Variants in RAB27B observed in about 807,000 individuals in gnomAD.
RAB27B encodes ras-related protein Rab-27B.
RAB27B carries 15 observed loss-of-function variants against 24.6 expected under a neutral mutation model. The observed-to-expected ratio is 0.61, with a 90% CI of 0.41 to 0.94. The LOEUF (loss-of-function observed/expected upper bound fraction) is 0.94. Ranked by LOEUF, RAB27B falls within the 40% of genes least tolerant of loss-of-function variation. The probability of loss-of-function intolerance (pLI) is 0.00; values close to 1 mark genes in which losing one functional copy is unlikely to be tolerated. For missense variants in RAB27B, 261 were observed against 266.8 expected (o/e 0.98, Z 0.15); for synonymous variants, 105 against 92.5 (o/e 1.14, Z -0.78).
chr18:54,886,127 C>A lies in RAB27B; in HGVS notation c.343+1691C>A, dbSNP rs138468753. ...AACCATATCACTTCTACACCCACTT[C>A]AAGTTTTACCCAAACCTTATTTGTC... On this transcript the variant is annotated intron_variant, in intron 4 of 5. Coordinates refer to ENST00000262094, the MANE Select transcript of RAB27B (RefSeq NM_004163.4). Among the ~76,000 whole-genome samples, 1,415 of 152,228 alleles carry A rather than the reference C, an allele frequency of 9.3e-3. 10 individuals are homozygous for A. The highest frequency in any genetic ancestry group is 0.014 in the Non-Finnish European group (953 of 68,004).
At chr18:54,883,320 T>C (rs1913002269) in intron 3 of RAB27B, among the ~76,000 whole-genome samples, 1 of 151,998 alleles carries the variant, frequency 6.6e-6, no homozygotes, top group Non-Finnish European at 1.5e-5. Context: ...TCAATGTATA[T>C]AGAGTAAGAG....
At chr18:54,864,551 G>GACTT (rs1156853055) in intron 1 of RAB27B, among the ~76,000 whole-genome samples, 12 of 151,826 alleles carry the variant, frequency 7.9e-5, no homozygotes, top group African/African-American at 2.7e-4. Context: ...GAGTTATGAA[G>GACTT]ACTTACTCTT....
chr18:54,747,457 T>C (rs1196167752), intron 2 of RAB27B, among the ~76,000 whole-genome samples: 2 of 152,202 alleles, frequency 1.3e-5, no homozygotes, highest in Non-Finnish European at 2.9e-5. Flanking sequence ...ACCTGGGTAA[T>C]ACCAATGCCA....
intron 1 of RAB27B, among the ~76,000 whole-genome samples, chr18:54,840,993 A>G (rs1008791534): frequency 6.6e-6 from 1 of 151,964 alleles, no homozygotes; most frequent in African/African-American, 2.4e-5. Flanking sequence ...CCAAAAATAC[A>G]AAAATTAGCC....
intron 1 of RAB27B, among the ~76,000 whole-genome samples, chr18:54,869,754 G>A (rs139102664): frequency 6.6e-6 from 1 of 151,992 alleles, no homozygotes; most frequent in African/African-American, 2.4e-5. Context: ...CCACAAATAG[G>A]TTCAAATATA....
At chr18:54,727,937 T>C (rs914928158) in intron 2 of RAB27B, among the ~76,000 whole-genome samples, 11 of 152,124 alleles carry the variant, frequency 7.2e-5, no homozygotes, top group South Asian at 2.1e-4. Flanking sequence ...ATAATCACAC[T>C]CCACGCTACA....
intron 2 of RAB27B, among the ~76,000 whole-genome samples, chr18:54,776,787 G>T (rs1157610162): frequency 6.6e-6 from 1 of 152,186 alleles, no homozygotes; most frequent in South Asian, 2.1e-4. Context: ...GGCCTGGCAT[G>T]GTCAGGCATG....
At chr18:54,837,476 A>G (rs1018180600) in intron 1 of RAB27B, among the ~76,000 whole-genome samples, 5 of 152,104 alleles carry the variant, frequency 3.3e-5, no homozygotes, top group Non-Finnish European at 7.4e-5. Flanking sequence ...GAAGAACTGC[A>G]TTTGAGGTAC....
In RAB27B at chr18:54,877,584, C is replaced by A; in HGVS notation, c.-2C>A. On this transcript the variant is annotated 5_prime_UTR_variant, in exon 2 of 6. Coordinates refer to ENST00000262094, the MANE Select transcript of RAB27B (RefSeq NM_004163.4). ...CTATACAGACCGACCAAGACCATCA[C>A]TATGACCGATGGAGACTATGATTAT... 1 of 1,542,220 alleles carries A rather than the reference C, an allele frequency of 6.5e-7. No homozygotes were observed. The highest frequency in any genetic ancestry group is 8.7e-7 in the Non-Finnish European group (1 of 1,155,196).
At chr18:54,764,168 G>A (rs939156808) in intron 2 of RAB27B, among the ~76,000 whole-genome samples, 4 of 152,106 alleles carry the variant, frequency 2.6e-5, no homozygotes, top group Non-Finnish European at 1.5e-5. Flanking sequence ...CATTGACCCT[G>A]TGTTTACCAT....
chr18:54,833,095 A>G (rs192210986), intron 1 of RAB27B, among the ~76,000 whole-genome samples: 5 of 152,336 alleles, frequency 3.3e-5, no homozygotes. Flanking sequence ...CATAGTTTGA[A>G]GAAGAGTAAT....
At chr18:54,860,604 A>G (rs1212032172) in intron 1 of RAB27B, among the ~76,000 whole-genome samples, 2 of 152,182 alleles carry the variant, frequency 1.3e-5, no homozygotes, top group Admixed American at 6.5e-5. Context: ...TTACAGCCCT[A>G]GATTTTCTGA....
At position 54,798,252 on chromosome 18, in the gene RAB27B, C is replaced by T. The variant is rs113849833; in HGVS notation, c.-19-79315C>T. ...TGGGACTAAACATAGAGGCAGTCCTCCTCCAAGGCTGAGAAGCCAACAGGA... is the reference window on the plus strand; with the variant it reads ...TGGGACTAAACATAGAGGCAGTCCTTCTCCAAGGCTGAGAAGCCAACAGGA... On this transcript the variant is annotated intron_variant, in intron 2 of 4. Coordinates refer to the RAB27B transcript ENST00000586570. Among the ~76,000 whole-genome samples, 177 of 152,340 alleles carry T rather than the reference C, an allele frequency of 1.2e-3. 1 individual carries two copies. Among genetic ancestry groups the T allele is most frequent in the African/African-American group, 4.1e-3 (172 of 41,574 alleles).
intron 2 of RAB27B, among the ~76,000 whole-genome samples, chr18:54,778,982 G>A (rs1247406224): frequency 1.3e-5 from 2 of 152,044 alleles, no homozygotes; most frequent in African/African-American, 4.8e-5. Context: ...TGGGACTACA[G>A]GTGCGCACCA....
chr18:54,826,521 G>A (rs1259162534), upstream of RAB27B, among the ~76,000 whole-genome samples: 6 of 152,170 alleles, frequency 3.9e-5, no homozygotes, highest in Admixed American at 6.5e-5. Context: ...TGGAACCTCG[G>A]AGACAGGACC....
At chr18:54,873,721 G>C (rs1912574049) in intron 1 of RAB27B, among the ~76,000 whole-genome samples, 2 of 150,722 alleles carry the variant, frequency 1.3e-5, no homozygotes, top group South Asian at 4.2e-4. Context: ...GTGTGTGTGT[G>C]TGTGTGTGAG....
chr18:54,767,141 T>G (rs1908388685), intron 2 of RAB27B, among the ~76,000 whole-genome samples: 1 of 152,190 alleles, frequency 6.6e-6, no homozygotes, highest in Admixed American at 6.6e-5. Context: ...TTTTCCTTTC[T>G]TTTATCTTGC....
chr18:54,816,126 G>C (rs1910113686), intron 2 of RAB27B, among the ~76,000 whole-genome samples: 1 of 152,206 alleles, frequency 6.6e-6, no homozygotes, highest in Non-Finnish European at 1.5e-5. Context: ...TGAGTAGCAA[G>C]TCTTTCTGGA....
chr18:54,839,089 A>G (rs1392216427), intron 1 of RAB27B, among the ~76,000 whole-genome samples: 1 of 152,154 alleles, frequency 6.6e-6, no homozygotes, highest in Non-Finnish European at 1.5e-5. Flanking sequence ...CTTGTGAATC[A>G]TTTTAAATAA....
Sources: gnomAD v4.1 joint callset for allele counts (sites outside exome capture counted in the v4.1 genomes callset) on GRCh38, gnomAD v4.1.1 for gene constraint, MANE v1.5 for transcripts, NCBI Gene and HGNC (gene_info 2026-07-23, HGNC 2026-07-21) for gene names.